ANK3: variants seen among roughly 807,000 people sequenced by gnomAD.
ANK3 encodes the protein ankyrin 3, also known as ankyrin-3.
Under a neutral mutation model 370.9 loss-of-function variants are expected in ANK3, and 57 were observed. That is an observed-to-expected ratio of 0.15 (90% CI 0.12 to 0.19). The LOEUF (loss-of-function observed/expected upper bound fraction) is 0.19, where lower values mean the gene tolerates loss of function less well. ANK3 is among the 10% of genes least tolerant of loss of function. The pLI, the probability that ANK3 is intolerant of heterozygous loss-of-function variation, is 1.00. For missense variants in ANK3, 4,439 were observed against 5,302.1 expected, an observed-to-expected ratio of 0.84 and a Z score of 5.06; for synonymous variants, 1,929 against 1,946.3, an observed-to-expected ratio of 0.99 and a Z score of 0.23.
intron 23 of ANK3, among the ~76,000 whole-genome samples, chr10:60,147,550 A>G (rs2094891591): frequency 6.6e-6 from 1 of 152,134 alleles, no homozygotes; most frequent in Non-Finnish European, 1.5e-5. Flanking sequence ...TGTCATCCCC[A>G]GTGTTGGAGA....
intron 18 of ANK3, 26 bp downstream of exon 18, chr10:60,181,303 C>T (rs1414936110): frequency 1.2e-6 from 2 of 1,601,084 alleles, no homozygotes; most frequent in South Asian, 2.2e-5. Flanking sequence ...ACATTCTTTT[C>T]CGTGTGGCAA....
intron 1 of ANK3, among the ~76,000 whole-genome samples, chr10:60,372,670 G>A (rs2060261601): frequency 6.6e-6 from 1 of 152,142 alleles, no homozygotes; most frequent in Admixed American, 6.5e-5. Flanking sequence ...TCAAGGAGAG[G>A]CTGGCTCTGC....
In ANK3 at chr10:60,468,240, T is replaced by G. The variant is rs2065054495; in HGVS notation, c.96+146946A>C. On this transcript the variant is annotated intron_variant, in intron 2 of 43. Coordinates refer to the ANK3 transcript ENST00000373827. ...CACAGGTGATCTGCCCATCTCGGCC[T>G]CCCAAAGTGCTGGAATTACAGGCAG... 2.0e-5 allele frequency among the ~76,000 whole-genome samples: 3 copies of G among 152,038 alleles called. No individual in the cohort carries two copies. The South Asian group carries it at 6.2e-4, about 32-fold the overall frequency.
At chr10:60,412,455 G>A (rs1194468255) in intron 2 of ANK3, among the ~76,000 whole-genome samples, 1 of 152,088 alleles carries the variant, frequency 6.6e-6, no homozygotes, top group Non-Finnish European at 1.5e-5. Flanking sequence ...CTTCGGACTG[G>A]GACTACATTA....
intron 1 of ANK3, among the ~76,000 whole-genome samples, chr10:60,713,832 G>A (rs956194668): frequency 6.6e-6 from 1 of 151,910 alleles, no homozygotes; most frequent in Non-Finnish European, 1.5e-5. Context: ...AGAGGCTACA[G>A]TGCAGCCTGG....
chr10:60,202,908 T>TC, intron 12 of ANK3, 94 bp downstream of exon 12: 1 of 839,164 alleles, frequency 1.2e-6, no homozygotes, highest in Non-Finnish European at 1.8e-6. Context: ...CTCCAACTCT[T>TC]AAAAAAATAA....
chr10:60,586,010 G>T (rs772997391), intron 2 of ANK3, among the ~76,000 whole-genome samples: 1 of 151,530 alleles, frequency 6.6e-6, no homozygotes, highest in Non-Finnish European at 1.5e-5. Context: ...GGCGACAAGA[G>T]TAAAACTCCG....
chr10:60,664,350 A>T (rs536069096), intron 1 of ANK3, among the ~76,000 whole-genome samples: 7 of 152,384 alleles, frequency 4.6e-5, no homozygotes, highest in Non-Finnish European at 1.0e-4. Context: ...ACAAAAATTG[A>T]GAAGCAATGA....
chr10:60,564,954 T>A (rs1380220750), intron 2 of ANK3, among the ~76,000 whole-genome samples: 2 of 152,108 alleles, frequency 1.3e-5, no homozygotes, highest in Non-Finnish European at 2.9e-5. Flanking sequence ...CCTAAACATA[T>A]AAACATTTTT....
intron 1 of ANK3, among the ~76,000 whole-genome samples, chr10:60,654,137 T>C (rs901437997): frequency 2.0e-4 from 31 of 152,216 alleles, no homozygotes; most frequent in African/African-American, 7.2e-4. Context: ...TGCTACTATA[T>C]AGAGATACTA....
At chr10:60,323,674 C>G (rs952408783) in intron 1 of ANK3, among the ~76,000 whole-genome samples, 1 of 152,028 alleles carries the variant, frequency 6.6e-6, no homozygotes, top group Non-Finnish European at 1.5e-5. Flanking sequence ...GAAAAATGGA[C>G]AAGGGATATC....
intron 23 of ANK3, chr10:60,146,104 C>A: frequency 6.6e-7 from 1 of 1,505,814 alleles, no homozygotes; most frequent in Non-Finnish European, 8.8e-7. Context: ...GCTCTATGTT[C>A]CATCCACCAG....
At chr10:60,463,407 G>A (rs2133061968) in intron 2 of ANK3, among the ~76,000 whole-genome samples, 1 of 152,218 alleles carries the variant, frequency 6.6e-6, no homozygotes, top group Non-Finnish European at 1.5e-5. Context: ...CCTGGCCACT[G>A]ACAAAAACAG....
rs368529167 is a variant in ANK3, at chr10:60,334,901, G to A, written c.114+54524C>T. ...AATTATGTGCCTACTGGGTGTTAAC[G>A]TATATCTGGAGTGGAAGGTGGAGTC... On this transcript the variant is annotated intron_variant, in intron 1 of 43. Transcript: ENST00000280772. 6.0e-4 allele frequency among the ~76,000 whole-genome samples: 91 copies of A among 152,154 alleles called. 2 individuals are homozygous for A. In the South Asian group the frequency reaches 0.018, roughly 30 times the overall value.
At chr10:60,341,065 G>A (rs1594125342) in intron 1 of ANK3, among the ~76,000 whole-genome samples, 1 of 152,136 alleles carries the variant, frequency 6.6e-6, no homozygotes, top group African/African-American at 2.4e-5. Context: ...CCCTTCTAGA[G>A]TCTGCTCAAA....
chr10:60,341,403 A>C (rs2054250796), intron 1 of ANK3, among the ~76,000 whole-genome samples: 1 of 152,050 alleles, frequency 6.6e-6, no homozygotes, highest in Non-Finnish European at 1.5e-5. Flanking sequence ...TAAGTTTTTC[A>C]AGGGCACAAA....
At chr10:60,528,762 C>T (rs1171263907) in intron 2 of ANK3, among the ~76,000 whole-genome samples, 2 of 152,036 alleles carry the variant, frequency 1.3e-5, no homozygotes, top group African/African-American at 2.4e-5. Context: ...ACTCCTCACC[C>T]TCCTCCCCAA....
chr10:60,041,237 T>C (rs2076038141), intron 43 of ANK3, among the ~76,000 whole-genome samples: 1 of 152,236 alleles, frequency 6.6e-6, no homozygotes, highest in African/African-American at 2.4e-5. Flanking sequence ...AACTGGATCA[T>C]ACCACACTCT....
At chr10:60,353,340 A>G (rs2057234228) in intron 1 of ANK3, among the ~76,000 whole-genome samples, 2 of 152,038 alleles carry the variant, frequency 1.3e-5, no homozygotes, top group South Asian at 4.2e-4. Flanking sequence ...TGAGTTCACC[A>G]TAACTCTTGT....
Sources: gnomAD v4.1 joint callset for allele counts (sites outside exome capture counted in the v4.1 genomes callset) on GRCh38, gnomAD v4.1.1 for gene constraint, MANE v1.5 for transcripts, NCBI Gene and HGNC (gene_info 2026-07-23, HGNC 2026-07-21) for gene names.